Variants in SORBS3 observed in about 807,000 individuals in gnomAD.
The protein encoded by SORBS3 is sorbin and SH3 domain containing 3.
A neutral mutation model predicts 98.0 loss-of-function variants in SORBS3; 69 were observed. The ratio of observed to expected loss-of-function variants is 0.70; its 90% CI spans 0.58 to 0.86. SORBS3 has a LOEUF of 0.86. SORBS3 is among the 40% of genes least tolerant of loss of function. SORBS3 has a pLI of 0.00. For missense variants in SORBS3, 954 were observed against 908.5 expected (o/e 1.05, Z -0.64); for synonymous variants, 394 against 355.4 (o/e 1.11, Z -1.22).
intron 10 of SORBS3, chr8:22,564,798 G>T: frequency 7.4e-7 from 1 of 1,353,312 alleles, no homozygotes; most frequent in Non-Finnish European, 9.5e-7. Context: ...TGGAGGTGGA[G>T]CTGGACCCTT....
In SORBS3 at chr8:22,554,985, G is replaced by A. The variant is rs771115297; in HGVS notation, c.220+5G>A. 7 of 1,610,906 alleles carry A rather than the reference G, an allele frequency of 4.3e-6. No individual in the cohort carries two copies. The highest frequency in any genetic ancestry group is 1.7e-4 in the Middle Eastern group (1 of 6,054). On this transcript the variant is annotated splice_donor_5th_base_variant and intron_variant, in intron 3 of 20. Coordinates refer to ENST00000240123, the MANE Select transcript of SORBS3 (RefSeq NM_005775.5). This position sits in a 1 kb window ranked among gnomAD's most constrained non-coding sequence, Gnocchi z 6.5. ...GAGATGCTTCCCAGCACCCGGGTAG[G>A]TCTGCTCAGGAGCCTCATGCTGGAG...
intron 6 of SORBS3, 87 bp downstream of exon 6, chr8:22,561,460 C>G: frequency 6.9e-7 from 1 of 1,452,384 alleles, no homozygotes; most frequent in South Asian, 1.1e-5. Flanking sequence ...CCCCGCCTGG[C>G]TTTGGGGCTC....
chr8:22,554,608 G>A lies in SORBS3; in HGVS notation c.102G>A (p.Arg34=), dbSNP rs35511419. Residue 34 remains arginine (R), a splice_region_variant and synonymous_variant, in exon 2 of 21, where the codon CGG becomes CGA. Coordinates refer to ENST00000240123, the MANE Select transcript of SORBS3 (RefSeq NM_005775.5). This position sits in a 1 kb window ranked among gnomAD's most constrained non-coding sequence, Gnocchi z 6.5. ...TAGGGTCTTCCTCCCGGGGGACACG[G>A]GTGAGTGAGTCAGTAGGGAGGAGGG... ...SHIGSSSRGT[R]VPVIRNGGSN... is the part of the protein sequence containing the mutation. 6.1e-4 allele frequency: 978 copies of A among 1,611,510 alleles called. 2 individuals are homozygous for A. In the African/African-American group the frequency reaches 0.011, roughly 19 times the overall value.
In SORBS3 at chr8:22,574,787, G is replaced by A. The variant is rs771357591; in HGVS notation, c.*59G>A. 5.9e-6 allele frequency: 9 copies of A among 1,512,656 alleles called. No homozygotes were observed. Among genetic ancestry groups the A allele is most frequent in the Non-Finnish European group, 8.3e-6 (9 of 1,088,512 alleles). The allele number at this position is 1,512,656 out of a possible 1,614,324, so 93.7% of individuals were successfully genotyped here. A position where few individuals can be genotyped will look rare whatever the true frequency, so the allele number is the denominator to read the frequency against. On this transcript the variant is annotated 3_prime_UTR_variant, in exon 21 of 21. Coordinates refer to ENST00000240123, the MANE Select transcript of SORBS3 (RefSeq NM_005775.5). The stretch of plus-strand genomic sequence containing the variant: ...TGGGGTGGGGAGCGGTGGCACTCGT[G>A]GGAGGGAGAGGACCCCCGCCCACAT...
rs1048423972 is a variant in SORBS3, at chr8:22,574,989, C to T, written c.*261C>T. ...CCAAATACAGAGGTCTGCTTTGAAG[C>T]GGAGACCATTTCCAGGCCTTATTGA... On this transcript the variant is annotated 3_prime_UTR_variant, in exon 21 of 21. Coordinates refer to ENST00000240123, the MANE Select transcript of SORBS3 (RefSeq NM_005775.5). 47 of 637,348 alleles carry T rather than the reference C, an allele frequency of 7.4e-5. No homozygotes were observed. The highest frequency in any genetic ancestry group is 1.5e-4 in the Admixed American group (7 of 47,884). The allele number at this position is 637,348 out of a possible 1,614,324, so 39.5% of individuals were successfully genotyped here.
rs537529691 is a variant in SORBS3, at chr8:22,559,627, T to C, written c.478+1435T>C. Among the ~76,000 whole-genome samples, 13 of 151,646 alleles carry C rather than the reference T, an allele frequency of 8.6e-5. 1 individual carries two copies. In the South Asian group the frequency reaches 2.7e-3, roughly 32 times the overall value. On this transcript the variant is annotated intron_variant, in intron 5 of 20. Coordinates refer to ENST00000240123, the MANE Select transcript of SORBS3 (RefSeq NM_005775.5). Reference sequence around the variant, plus strand: ...CTGAGGCAGGAGAATTGCTTGAACCTGGGAGGCGGAGGTTGCAGTGAGCTG... The same window carrying C: ...CTGAGGCAGGAGAATTGCTTGAACCCGGGAGGCGGAGGTTGCAGTGAGCTG...
intron 5 of SORBS3, among the ~76,000 whole-genome samples, chr8:22,559,556 A>G (rs998570505): frequency 6.6e-6 from 1 of 152,074 alleles, no homozygotes; most frequent in Non-Finnish European, 1.5e-5. Context: ...ACAAAAAAGT[A>G]GCTGGATGTG....
intron 20 of SORBS3, among the ~76,000 whole-genome samples, chr8:22,573,060 C>T (rs1840631624): frequency 6.6e-6 from 1 of 152,124 alleles, no homozygotes; most frequent in Admixed American, 6.5e-5. Context: ...TGGCCAGAAG[C>T]CCCCTGCCCT....
At chr8:22,565,478 C>T in intron 11 of SORBS3, 124 bp downstream of exon 11, 1 of 768,938 alleles carries the variant, frequency 1.3e-6, no homozygotes, top group East Asian at 3.6e-5. Context: ...CAGCGGCGCG[C>T]ACCGGCCTCG....
chr8:22,561,418 C>T (rs1446190860), intron 6 of SORBS3, 45 bp downstream of exon 6: 2 of 1,608,846 alleles, frequency 1.2e-6, no homozygotes, highest in Non-Finnish European at 1.7e-6. Context: ...CCTGCGCCTG[C>T]GTCCGCCCCT....
At position 22,558,573 on chromosome 8, in the gene SORBS3, A is replaced by C. The variant is rs554746856; in HGVS notation, c.478+381A>C. Among the ~76,000 whole-genome samples the C allele has an allele frequency of 9.4e-4, 143 of 152,272 alleles. 4 individuals carry two copies. Among genetic ancestry groups the C allele is most frequent in the Non-Finnish European group, 1.4e-3 (96 of 68,020 alleles). On this transcript the variant is annotated intron_variant, in intron 5 of 20. Coordinates refer to ENST00000240123, the MANE Select transcript of SORBS3 (RefSeq NM_005775.5). ...AATGCAGCCAACCCTGGGGGTGCCT[A>C]TGAGCTGGCTCCGAGGTCACCCATC... is the stretch of plus-strand genomic sequence containing the variant.
upstream of SORBS3, chr8:22,551,817 C>A (rs1037476127): frequency 3.3e-5 from 32 of 983,636 alleles, no homozygotes; most frequent in Non-Finnish European, 3.9e-5. The surrounding 1 kb of genome is among the most constrained non-coding windows in gnomAD (Gnocchi z 5.8). Flanking sequence ...CACGGTCCGG[C>A]CTCCGGCGCG....
At chr8:22,562,798 A>C (rs545785859) in intron 7 of SORBS3, among the ~76,000 whole-genome samples, 360 of 152,342 alleles carry the variant, frequency 2.4e-3, no homozygotes, top group Non-Finnish European at 4.3e-3. Context: ...AAGCCTGCAC[A>C]AACATTAGTA....
chr8:22,561,311 A>C, intron 5 of SORBS3, 24 bp from the exon 6 acceptor site: 1 of 1,579,550 alleles, frequency 6.3e-7, no homozygotes, highest in Non-Finnish European at 8.6e-7. Flanking sequence ...CCGTCCCATG[A>C]CCTGGTCCCT....
At chr8:22,569,338 T>C (rs1161396600) in intron 17 of SORBS3, 65 bp downstream of exon 17, 3 of 1,339,958 alleles carry the variant, frequency 2.2e-6, no homozygotes, top group South Asian at 3.1e-5. Context: ...ATATGTGCAC[T>C]AAAAACAGTT....
chr8:22,571,157 G>C lies in SORBS3; in HGVS notation c.1679G>C (p.Gly560Ala). ...CCAGCTGACCCCATCGACTTGGGGGGACAGACCTCCCCCCGTCGCACTGGC... is the reference window on the plus strand; with the variant it reads ...CCAGCTGACCCCATCGACTTGGGGGCACAGACCTCCCCCCGTCGCACTGGC... Reference protein sequence around the residue: ...RSPADPIDLGGQTSPRRTGFS... With the variant: ...RSPADPIDLGAQTSPRRTGFS... The change falls in exon 18 of 21, where the codon GGA (glycine) becomes GCA (alanine). Residue 560 changes from glycine to alanine, a missense_variant. Transcript: ENST00000240123. 6.3e-7 allele frequency: 1 copy of C among 1,592,098 alleles called. No individual in the cohort carries two copies. Among genetic ancestry groups the C allele is most frequent in the East Asian group, 2.2e-5 (1 of 44,552 alleles).
intron 5 of SORBS3, chr8:22,560,832 C>CGTGTGTGTGTGT (rs56159823): frequency 1.5e-5 from 2 of 134,976 alleles, no homozygotes; most frequent in Non-Finnish European, 3.1e-5. Flanking sequence ...GCAGCGCATG[C>CGTGTGTGTGTGT]GTGTGTGTGT....
At chr8:22,562,134 G>T (rs1315164478) in intron 7 of SORBS3, among the ~76,000 whole-genome samples, 1 of 152,248 alleles carries the variant, frequency 6.6e-6, no homozygotes, top group African/African-American at 2.4e-5. Context: ...AGGGTCAAGG[G>T]GGGAAGGGTA....
Position 22,554,876 on chromosome 8 carries a change from G to C in SORBS3, c.116G>C (p.Arg39Pro). 1 of 1,580,282 alleles carries C rather than the reference G, an allele frequency of 6.3e-7. No individual in the cohort carries two copies. Among genetic ancestry groups the C allele is most frequent in the East Asian group, 2.4e-5 (1 of 42,212 alleles). Residue 39 changes from arginine (R) to proline (P), a missense_variant, in exon 3 of 21, where the codon CGG becomes CCG. Transcript: ENST00000240123. This position sits in a 1 kb window ranked among gnomAD's most constrained non-coding sequence, Gnocchi z 6.5. ...CCCTCCCCGCAGGTGCCCGTGATCC[G>C]GAATGGTGGCTCCAACACCCTTAAT... ...SSRGTRVPVI[R>P]NGGSNTLNFQ...
Sources: allele counts gnomAD v4.1 joint callset (sites outside exome capture counted in the v4.1 genomes callset), GRCh38; gene constraint gnomAD v4.1.1; non-coding constraint Gnocchi (gnomAD v3.1); transcripts MANE v1.5; gene names NCBI Gene and HGNC (gene_info 2026-07-23, HGNC 2026-07-21).